CHD6: variants seen among roughly 807,000 people sequenced by gnomAD.
The protein encoded by CHD6 is chromodomain helicase DNA binding protein 6.
In CHD6, 50 loss-of-function variants were observed where a neutral mutation model predicts 276.9. The observed-to-expected ratio is 0.18, with a 90% CI of 0.14 to 0.23. The LOEUF (loss-of-function observed/expected upper bound fraction) is 0.23. CHD6 is among the 10% of genes least tolerant of loss of function. CHD6 has a pLI of 1.00. For missense variants in CHD6, 2,564 were observed against 3,365.8 expected, an observed-to-expected ratio of 0.76 and a Z score of 5.89; for synonymous variants, 1,173 against 1,229.3, an observed-to-expected ratio of 0.95 and a Z score of 0.96.
At chr20:41,451,791 T>G in intron 22 of CHD6, 35 bp downstream of exon 22, 1 of 1,584,862 alleles carries the variant, frequency 6.3e-7, no homozygotes, top group South Asian at 1.1e-5. Context: ...TGCATGGGAA[T>G]CGTGCTTCTT....
intron 1 of CHD6, among the ~76,000 whole-genome samples, chr20:41,577,765 C>T (rs1005588359): frequency 1.4e-4 from 21 of 152,200 alleles, no homozygotes; most frequent in Non-Finnish European, 4.4e-5. Flanking sequence ...AATAGAGACA[C>T]TAGACAATCC....
At chr20:41,439,589 T>A (rs1253976450) in intron 26 of CHD6, among the ~76,000 whole-genome samples, 1 of 152,154 alleles carries the variant, frequency 6.6e-6, no homozygotes, top group Non-Finnish European at 1.5e-5. Flanking sequence ...CCTTAGACAA[T>A]ACTGGATCTG....
intron 1 of CHD6, among the ~76,000 whole-genome samples, chr20:41,594,036 C>T (rs2045692162): frequency 6.6e-6 from 1 of 151,576 alleles, no homozygotes; most frequent in Non-Finnish European, 1.5e-5. Flanking sequence ...GATGCTACTT[C>T]TAAATCTACC....
At position 41,452,611 on chromosome 20, in the gene CHD6, C is replaced by T; in HGVS notation, c.3323+129G>A. ...GCAGAAGGCACAGTTCTCTCTTGCTCCAACAGATCCCCCTTTGCCCTATAA... is the reference window on the plus strand; with the variant it reads ...GCAGAAGGCACAGTTCTCTCTTGCTTCAACAGATCCCCCTTTGCCCTATAA... On this transcript the variant is annotated intron_variant, in intron 21 of 36. Coordinates refer to ENST00000373233, the MANE Select transcript of CHD6 (RefSeq NM_032221.5). The surrounding 1 kb of genome is among the most constrained non-coding windows in gnomAD (Gnocchi z 4.2). 1.2e-6 allele frequency: 1 copy of T among 804,140 alleles called. No individual in the cohort carries two copies. Among genetic ancestry groups the T allele is most frequent in the African/African-American group, 1.7e-5 (1 of 57,978 alleles). 49.8% of individuals were successfully genotyped at this position (804,140 alleles called of 1,614,324 possible).
chr20:41,425,316 G>A lies in CHD6; in HGVS notation c.4208C>T (p.Thr1403Ile). ...ALTARLRRLV[T>I]VYQRCNRKEL... ...CTTGCGGTTGCAGCGCTGGTAAACA[G>A]TGACCAGACGTCTGAGACGAGCTGT... The change falls in exon 29 of 37, where the codon ACT becomes ATT. Residue 1403 changes from threonine to isoleucine, a missense_variant. Transcript: ENST00000373233. 6.2e-7 allele frequency: 1 copy of A among 1,614,222 alleles called. No individual in the cohort carries two copies.
intron 2 of CHD6, among the ~76,000 whole-genome samples, chr20:41,550,998 T>A (rs2045136993): frequency 6.6e-6 from 1 of 152,206 alleles, no homozygotes; most frequent in South Asian, 2.1e-4. Context: ...ATTGGTCACA[T>A]CTCTCTTTCA....
intron 1 of CHD6, among the ~76,000 whole-genome samples, chr20:41,612,137 C>T (rs1310496553): frequency 6.6e-6 from 1 of 152,204 alleles, no homozygotes; most frequent in Non-Finnish European, 1.5e-5. Flanking sequence ...ATTCAACAAA[C>T]CATTTTTCTA....
At chr20:41,448,178 G>A (rs1463041657) in intron 23 of CHD6, among the ~76,000 whole-genome samples, 1 of 152,110 alleles carries the variant, frequency 6.6e-6, no homozygotes, top group Admixed American at 6.5e-5. Flanking sequence ...GACCACATCA[G>A]TTATCTGTTA....
chr20:41,487,656 C>G lies in CHD6; in HGVS notation c.2001+9G>C. On this transcript the variant is annotated intron_variant, in intron 14 of 36. Transcript: ENST00000373233. The stretch of plus-strand genomic sequence containing the variant: ...CACTGTCTCCTCAATTCTTTGGGTC[C>G]CTAATTACCTGCTCCTCTGTTTTCA... 1 of 1,591,954 alleles carries G rather than the reference C, an allele frequency of 6.3e-7. No homozygotes were observed.
intron 2 of CHD6, among the ~76,000 whole-genome samples, chr20:41,540,339 C>T (rs2044917277): frequency 1.3e-5 from 2 of 152,192 alleles, no homozygotes. Context: ...TAGTAATCAT[C>T]TGAGGCTATG....
chr20:41,521,019 T>C (rs1401963706), intron 3 of CHD6, among the ~76,000 whole-genome samples: 1 of 152,136 alleles, frequency 6.6e-6, no homozygotes, highest in Non-Finnish European at 1.5e-5. Flanking sequence ...TCTATCTACC[T>C]GCAAGGGGTA....
chr20:41,612,258 C>A (rs2045894515), intron 1 of CHD6, among the ~76,000 whole-genome samples: 2 of 152,316 alleles, frequency 1.3e-5, no homozygotes, highest in Middle Eastern at 3.4e-3. Context: ...CTTTCAGTAG[C>A]CTGATTCACA....
chr20:41,406,794 T>C (rs549027562), intron 36 of CHD6, among the ~76,000 whole-genome samples: 2 of 152,318 alleles, frequency 1.3e-5, no homozygotes, highest in South Asian at 2.1e-4. Flanking sequence ...AGCTAGTTTA[T>C]CAACTAGTAC....
chr20:41,559,529 C>T (rs2045279252), intron 1 of CHD6, among the ~76,000 whole-genome samples: 1 of 152,174 alleles, frequency 6.6e-6, no homozygotes, highest in Admixed American at 6.5e-5. Context: ...ATTTCCTCTT[C>T]TTAAAATTCT....
intron 1 of CHD6, among the ~76,000 whole-genome samples, chr20:41,583,825 G>A (rs765139553): frequency 1.3e-5 from 2 of 152,108 alleles, no homozygotes; most frequent in African/African-American, 4.8e-5. Context: ...GGGAAGGTAG[G>A]TTGTGATGTA....
intron 1 of CHD6, among the ~76,000 whole-genome samples, chr20:41,584,032 T>C (rs1327173805): frequency 1.3e-5 from 2 of 152,098 alleles, no homozygotes; most frequent in South Asian, 2.1e-4. Flanking sequence ...AATAATTATG[T>C]TAAATGTAAA....
chr20:41,514,994 TA>T (rs771314843), intron 3 of CHD6, 42 bp from the exon 4 acceptor site: 1 of 1,604,022 alleles, frequency 6.2e-7, no homozygotes, highest in Non-Finnish European at 8.5e-7. Context: ...GGGCAGTTTT[TA>T]AAACTAAGAT....
intron 1 of CHD6, among the ~76,000 whole-genome samples, chr20:41,559,147 G>GACACACACACACACACACACAC (rs58169591): frequency 1.2e-4 from 18 of 148,272 alleles, no homozygotes; most frequent in African/African-American, 3.9e-4. Flanking sequence ...GCCTGTTCCT[G>GACACACACACACACACACACAC]ACACACACAC....
chr20:41,416,965 A>C (rs535023749), intron 32 of CHD6, among the ~76,000 whole-genome samples, 171 bp from the exon 33 acceptor site: 2 of 152,342 alleles, frequency 1.3e-5, no homozygotes, highest in African/African-American at 4.8e-5. Flanking sequence ...TGGACAATAC[A>C]AATTAAAGCC....
Sources: allele counts gnomAD v4.1 joint callset (sites outside exome capture counted in the v4.1 genomes callset), GRCh38; gene constraint gnomAD v4.1.1; non-coding constraint Gnocchi (gnomAD v3.1); transcripts MANE v1.5; gene names NCBI Gene and HGNC (gene_info 2026-07-23, HGNC 2026-07-21).